Variants in NUDCD1 observed in about 807,000 individuals in gnomAD.
NUDCD1 encodes nudC domain-containing protein 1.
A neutral mutation model predicts 67.8 loss-of-function variants in NUDCD1; 60 were observed. That is an observed-to-expected ratio of 0.88 (90% CI 0.72 to 1.10). The LOEUF (loss-of-function observed/expected upper bound fraction) is 1.10, where lower values mean the gene tolerates loss of function less well. Ranked by LOEUF, NUDCD1 falls within the 50% of genes least tolerant of loss-of-function variation. NUDCD1 has a pLI of 0.00. For synonymous variants in NUDCD1, 244 were observed against 230.8 expected, an observed-to-expected ratio of 1.06 and a Z score of -0.52; for missense variants, 643 against 695.0, an observed-to-expected ratio of 0.93 and a Z score of 0.84.
At chr8:109,275,276 T>C (rs1175221176) in intron 7 of NUDCD1, 76 bp downstream of exon 7, 6 of 1,405,950 alleles carry the variant, frequency 4.3e-6, no homozygotes, top group Non-Finnish European at 3.9e-6. Flanking sequence ...AAATATTGTT[T>C]GAAAAGCATG....
chr8:109,290,790 C>T (rs1321657359), intron 4 of NUDCD1, among the ~76,000 whole-genome samples: 4 of 152,092 alleles, frequency 2.6e-5, no homozygotes, highest in African/African-American at 9.7e-5. Flanking sequence ...TACTTGTAGG[C>T]TTCATACTGA....
intron 2 of NUDCD1, among the ~76,000 whole-genome samples, chr8:109,302,401 T>C (rs1815009970): frequency 6.6e-6 from 1 of 152,070 alleles, no homozygotes; most frequent in East Asian, 1.9e-4. Flanking sequence ...CTGCTGTCTG[T>C]TCCTTCAGTC....
chr8:109,303,449 G>C (rs1815034449), intron 2 of NUDCD1, among the ~76,000 whole-genome samples: 1 of 152,130 alleles, frequency 6.6e-6, no homozygotes, highest in Admixed American at 6.5e-5. Context: ...TAACTGTTGT[G>C]AGTATTGACG....
intron 2 of NUDCD1, among the ~76,000 whole-genome samples, chr8:109,322,058 TTAA>T (rs1563685225): frequency 6.6e-6 from 1 of 152,110 alleles, no homozygotes; most frequent in Non-Finnish European, 1.5e-5. Flanking sequence ...TACATCAGTA[TTAA>T]TAATATATAA....
rs1209864987 is a variant in NUDCD1 at position 109,243,230 on chromosome 8, A to T, written c.1531T>A (p.Cys511Ser). ...ATGAATACTCGACGAAGGCACTCAC[A>T]AAGGGCTGCATACGAGTAATTTGGA... is the stretch of plus-strand genomic sequence containing the variant. ...CAPNYSYAAL[C>S]ECLRRVFIYR... The change falls in exon 10 of 10, where the codon TGT becomes AGT. Residue 511 changes from cysteine to serine, a missense_variant. Transcript: ENST00000239690. 1.2e-6 allele frequency: 2 copies of T among 1,613,282 alleles called. No individual in the cohort carries two copies. The highest frequency in any genetic ancestry group is 1.7e-6 in the Non-Finnish European group (2 of 1,179,450).
chr8:109,272,511 T>G (rs1427409044), intron 7 of NUDCD1, among the ~76,000 whole-genome samples: 1 of 152,166 alleles, frequency 6.6e-6, no homozygotes, highest in African/African-American at 2.4e-5. Context: ...CTTGCTTCAA[T>G]GCAAGGGTCA....
At chr8:109,254,012 T>C (rs1412001075) in intron 8 of NUDCD1, among the ~76,000 whole-genome samples, 2 of 152,120 alleles carry the variant, frequency 1.3e-5, no homozygotes, top group African/African-American at 4.8e-5. Context: ...ACAAAACCCA[T>C]TTTTCACTAG....
At chr8:109,290,108 A>G (rs1814676134) in intron 4 of NUDCD1, among the ~76,000 whole-genome samples, 175 bp from the exon 5 acceptor site, 1 of 152,216 alleles carries the variant, frequency 6.6e-6, no homozygotes, top group Admixed American at 6.5e-5. Context: ...TTTTCCGTAA[A>G]TAAGTCCCTA....
intron 8 of NUDCD1, among the ~76,000 whole-genome samples, chr8:109,256,630 C>G (rs1343116375): frequency 6.6e-6 from 1 of 152,144 alleles, no homozygotes; most frequent in African/African-American, 2.4e-5. Context: ...TTACTTTGAT[C>G]TTCACACAAA....
At chr8:109,293,852 T>C (rs1814771016) in intron 3 of NUDCD1, among the ~76,000 whole-genome samples, 1 of 152,076 alleles carries the variant, frequency 6.6e-6, no homozygotes, top group East Asian at 1.9e-4. Flanking sequence ...TTATTTATTC[T>C]CTGGAAGTTT....
At chr8:109,270,013 T>C (rs1814100624) in intron 8 of NUDCD1, among the ~76,000 whole-genome samples, 1 of 129,894 alleles carries the variant, frequency 7.7e-6, no homozygotes, top group Non-Finnish European at 1.6e-5. Flanking sequence ...TTCAGTATCT[T>C]AATACAAATC....
intron 2 of NUDCD1, among the ~76,000 whole-genome samples, chr8:109,319,654 A>T (rs1242250693): frequency 1.3e-5 from 2 of 152,256 alleles, no homozygotes; most frequent in Non-Finnish European, 2.9e-5. Flanking sequence ...AATAGGATAC[A>T]GCACATGTCT....
rs1813379040 is a variant in NUDCD1, at chr8:109,242,054, T to A, written c.*955A>T. The A allele has an allele frequency of 5.0e-6, 2 of 397,944 alleles. No individual in the cohort carries two copies. The highest frequency in any genetic ancestry group is 2.5e-4 in the South Asian group (2 of 7,852). 24.7% of individuals were successfully genotyped at this position (397,944 alleles called of 1,614,324 possible). On this transcript the variant is annotated 3_prime_UTR_variant, in exon 10 of 10. Coordinates refer to ENST00000239690, the MANE Select transcript of NUDCD1 (RefSeq NM_032869.4). ...AAATAAAGAGAGCCACAAGGATAAA[T>A]TATAATTTGTCCTTGTGTGGTAAGA... is the stretch of plus-strand genomic sequence containing the variant.
At chr8:109,298,181 G>A (rs999285264) in intron 2 of NUDCD1, among the ~76,000 whole-genome samples, 2 of 152,142 alleles carry the variant, frequency 1.3e-5, no homozygotes, top group African/African-American at 4.8e-5. Context: ...GAGTATCAGT[G>A]ATCTAAAACC....
intron 7 of NUDCD1, among the ~76,000 whole-genome samples, chr8:109,272,364 A>AAC (rs5893949): frequency 0.16 from 23,365 of 150,252 alleles, 2,891 homozygotes; most frequent in African/African-American, 0.35. Context: ...GAACCACTAA[A>AAC]ACACACACAC....
At chr8:109,270,090 A>AGGGGGGG (rs1563665962) in intron 8 of NUDCD1, among the ~76,000 whole-genome samples, 29 of 7,592 alleles carry the variant, frequency 3.8e-3, no homozygotes, top group South Asian at 8.1e-3. Context: ...GGGTGCCTTA[A>AGGGGGGG]GGTGGGGTGT....
At chr8:109,289,016 C>T (rs1023686781) in intron 5 of NUDCD1, among the ~76,000 whole-genome samples, 10 of 150,876 alleles carry the variant, frequency 6.6e-5, no homozygotes, top group African/African-American at 1.9e-4. Context: ...CTCGCTGTTG[C>T]CCAAGCTGGA....
intron 8 of NUDCD1, among the ~76,000 whole-genome samples, chr8:109,255,278 A>G (rs900019186): frequency 1.3e-5 from 2 of 152,164 alleles, no homozygotes; most frequent in East Asian, 1.9e-4. Context: ...TTGTTCATCT[A>G]TTTTGTATAT....
At chr8:109,249,523 T>C (rs757484178) in intron 8 of NUDCD1, among the ~76,000 whole-genome samples, 30 of 152,312 alleles carry the variant, frequency 2.0e-4, no homozygotes, top group Non-Finnish European at 3.1e-4. Flanking sequence ...AAATGAGAAA[T>C]ACAGAATTCA....
Sources: gnomAD v4.1 joint callset for allele counts (sites outside exome capture counted in the v4.1 genomes callset) on GRCh38, gnomAD v4.1.1 for gene constraint, MANE v1.5 for transcripts, NCBI Gene and HGNC (gene_info 2026-07-23, HGNC 2026-07-21) for gene names.